The following PPP1R11 variants were observed in gnomAD, a reference collection of about 807,000 sequenced individuals.
PPP1R11 encodes protein phosphatase 1 regulatory inhibitor subunit 11, also known as E3 ubiquitin-protein ligase PPP1R11.
A neutral mutation model predicts 11.3 loss-of-function variants in PPP1R11; 10 were observed. The ratio of observed to expected loss-of-function variants is 0.88; its 90% CI spans 0.55 to 1.50. PPP1R11 has a LOEUF of 1.50. Among genes scored for constraint, PPP1R11 ranks in the 40% most tolerant of loss-of-function variants. The pLI, the probability that PPP1R11 is intolerant of heterozygous loss-of-function variation, is 0.00. For synonymous variants in PPP1R11, 56 were observed against 62.3 expected (o/e 0.90, Z 0.48); for missense variants, 114 against 179.1 (o/e 0.64, Z 2.07).
upstream of PPP1R11, among the ~76,000 whole-genome samples, chr6:30,062,860 C>T (rs1765222942): frequency 6.7e-6 from 1 of 150,372 alleles, no homozygotes; most frequent in African/African-American, 2.4e-5. Flanking sequence ...GCATGAGCCA[C>T]CCCGCCTGAC....
upstream of PPP1R11, among the ~76,000 whole-genome samples, chr6:30,062,794 ACTT>A (rs1456957779): frequency 2.1e-4 from 27 of 129,616 alleles, no homozygotes; most frequent in South Asian, 6.3e-3. Context: ...CTGGTCTTGA[ACTT>A]CTGAGCTCAA....
At chr6:30,061,769 C>A, upstream of PPP1R11, 1 of 1,572,040 alleles carries the variant, frequency 6.4e-7, no homozygotes, top group Non-Finnish European at 8.7e-7. This position sits in a 1 kb window ranked among gnomAD's most constrained non-coding sequence, Gnocchi z 5.0. Flanking sequence ...TAGAGCAGGA[C>A]ATCAGGCGGT....
chr6:30,066,396 A>G (rs1044054886), upstream of PPP1R11, among the ~76,000 whole-genome samples: 5 of 152,186 alleles, frequency 3.3e-5, no homozygotes, highest in Admixed American at 3.3e-4. Context: ...TTGCTCTCTA[A>G]GAAACGTGCA....
upstream of PPP1R11, chr6:30,061,889 C>T: frequency 6.2e-7 from 1 of 1,606,536 alleles, no homozygotes; most frequent in Non-Finnish European, 8.5e-7. This position sits in a 1 kb window ranked among gnomAD's most constrained non-coding sequence, Gnocchi z 5.0. Flanking sequence ...TGGTTGTCTC[C>T]ATAACCAGTT....
At chr6:30,068,262 G>C (rs963778178) in intron 1 of PPP1R11, 1 of 197,582 alleles carries the variant, frequency 5.1e-6, no homozygotes, top group Non-Finnish European at 1.0e-5. Context: ...TAATTTTCAT[G>C]TATTAATACT....
chr6:30,067,208 G>A lies in PPP1R11; in HGVS notation c.-203G>A, dbSNP rs942551453. 11 of 541,776 alleles carry A rather than the reference G, an allele frequency of 2.0e-5. No individual in the cohort carries two copies. Among genetic ancestry groups the A allele is most frequent in the Non-Finnish European group, 3.7e-5 (11 of 300,248 alleles). 33.6% of individuals were successfully genotyped at this position (541,776 alleles called of 1,614,324 possible). ...GGGACTGCAGTATGCGTCACACCCGGAAGCGGCGAGCCGGAAGTGGGGTTA... is the reference window on the plus strand; with the variant it reads ...GGGACTGCAGTATGCGTCACACCCGAAAGCGGCGAGCCGGAAGTGGGGTTA... On this transcript the variant is annotated 5_prime_UTR_variant, in exon 1 of 3. Coordinates refer to ENST00000376772, the MANE Select transcript of PPP1R11 (RefSeq NM_021959.3).
Position 30,067,307 on chromosome 6 carries a change from T to A in PPP1R11, c.-104T>A. 1 of 1,221,866 alleles carries A rather than the reference T, an allele frequency of 8.2e-7. No homozygotes were observed. Among genetic ancestry groups the A allele is most frequent in the Non-Finnish European group, 1.2e-6 (1 of 844,166 alleles). The allele number at this position is 1,221,866 out of a possible 1,614,324, so 75.7% of individuals were successfully genotyped here. ...AATAAAGAAGGTGGAGGATCCTGGC[T>A]ACCACTCTGAATCCGATACCGCTTC... On this transcript the variant is annotated 5_prime_UTR_variant, in exon 1 of 3. Transcript: ENST00000376772.
chr6:30,061,907 G>A (rs1178165503), upstream of PPP1R11: 1 of 1,612,872 alleles, frequency 6.2e-7, no homozygotes, highest in East Asian at 2.2e-5. This position sits in a 1 kb window ranked among gnomAD's most constrained non-coding sequence, Gnocchi z 5.0. Flanking sequence ...GTTCTTACTT[G>A]CCTGTGCAGA....
Position 30,069,591 on chromosome 6 carries a change from G to A in PPP1R11, c.*285G>A, listed in dbSNP as rs1239343197. 1 of 395,252 alleles carries A rather than the reference G, an allele frequency of 2.5e-6. No homozygotes were observed. The highest frequency in any genetic ancestry group is 2.1e-5 in the African/African-American group (1 of 48,682). The allele number at this position is 395,252 out of a possible 1,614,324, so 24.5% of individuals were successfully genotyped here. A position where few individuals can be genotyped will look rare whatever the true frequency, so the allele number is the denominator to read the frequency against. On this transcript the variant is annotated 3_prime_UTR_variant, in exon 3 of 3. Coordinates refer to ENST00000376772, the MANE Select transcript of PPP1R11 (RefSeq NM_021959.3). This position sits in a 1 kb window ranked among gnomAD's most constrained non-coding sequence, Gnocchi z 6.6. Reference sequence around the variant, plus strand: ...TTCTCACTGCCAAACTGCCTGTCCTGGGATCTAGTTATCTTGGCCCTGCAC... The same window carrying A: ...TTCTCACTGCCAAACTGCCTGTCCTAGGATCTAGTTATCTTGGCCCTGCAC...
chr6:30,067,496 G>T lies in PPP1R11; in HGVS notation c.69+17G>T. On this transcript the variant is annotated intron_variant, in intron 1 of 2. Transcript: ENST00000376772. Reference sequence around the variant, plus strand: ...ACCGAGCCCGTGAGAAAGGCGGGGGGGCGGTGCTGTTTAGGGGTCTGGGAG... The same window carrying T: ...ACCGAGCCCGTGAGAAAGGCGGGGGTGCGGTGCTGTTTAGGGGTCTGGGAG... The T allele has an allele frequency of 6.2e-7, 1 of 1,612,240 alleles. No individual in the cohort carries two copies. Among genetic ancestry groups the T allele is most frequent in the Non-Finnish European group, 8.5e-7 (1 of 1,178,244 alleles).
chr6:30,061,355 G>A, the PPP1R11 span: 155 of 693,418 alleles, frequency 2.2e-4, no homozygotes, highest in Non-Finnish European at 3.3e-4. This position sits in a 1 kb window ranked among gnomAD's most constrained non-coding sequence, Gnocchi z 5.0. Context: ...ACGCTGTCTG[G>A]GAATTCCGGG....
At chr6:30,061,758 C>CT (rs1336281049), upstream of PPP1R11, 2 of 1,585,624 alleles carry the variant, frequency 1.3e-6, no homozygotes, top group African/African-American at 2.7e-5. This position sits in a 1 kb window ranked among gnomAD's most constrained non-coding sequence, Gnocchi z 5.0. Flanking sequence ...GGAGGGGATC[C>CT]TAGAGCAGGA....
At chr6:30,065,546 G>A (rs2127298873), upstream of PPP1R11, among the ~76,000 whole-genome samples, 1 of 151,470 alleles carries the variant, frequency 6.6e-6, no homozygotes, top group Non-Finnish European at 1.5e-5. This position sits in a 1 kb window ranked among gnomAD's most constrained non-coding sequence, Gnocchi z 5.3. Context: ...TTAATCAACG[G>A]TTTATGTTAT....
chr6:30,068,619 G>A lies in PPP1R11; in HGVS notation c.99G>A (p.Arg33=). The change falls in exon 2 of 3, where the codon CGG becomes CGA. Residue 33 remains arginine (R), a synonymous_variant. Transcript: ENST00000376772. The part of the protein sequence containing the change: ...PENRSLTIKL[R]KRKPEKKVEW... ...ACCGGAGCCTTACCATCAAACTTCG[G>A]AAACGGAAGCCAGAGAAAAAGGTAG... 1 of 1,612,902 alleles carries A rather than the reference G, an allele frequency of 6.2e-7. No homozygotes were observed. Among genetic ancestry groups the A allele is most frequent in the African/African-American group, 1.3e-5 (1 of 75,008 alleles).
rs1222915603 is a variant in PPP1R11 at position 30,067,375 on chromosome 6, C to T, written c.-36C>T. The stretch of plus-strand genomic sequence containing the variant: ...AGAAAAAGGGAAGGGTGTCTCATCC[C>T]CCTTCCTCCTCTCCTCCCTGTCCTG... On this transcript the variant is annotated 5_prime_UTR_variant, in exon 1 of 3. Transcript: ENST00000376772. 6.3e-7 allele frequency: 1 copy of T among 1,598,642 alleles called. No individual in the cohort carries two copies. The highest frequency in any genetic ancestry group is 8.6e-7 in the Non-Finnish European group (1 of 1,166,464).
At chr6:30,067,554 G>A in intron 1 of PPP1R11, 75 bp downstream of exon 1, 2 of 1,528,644 alleles carry the variant, frequency 1.3e-6, no homozygotes, top group Non-Finnish European at 1.8e-6. Flanking sequence ...GATTAGAAGA[G>A]TTGTTGGAGG....
At chr6:30,067,512 G>T (rs1340352792) in intron 1 of PPP1R11, 33 bp downstream of exon 1, 1 of 1,599,126 alleles carries the variant, frequency 6.3e-7, no homozygotes, top group Non-Finnish European at 8.6e-7. Flanking sequence ...GCTGTTTAGG[G>T]GTCTGGGAGA....
upstream of PPP1R11, among the ~76,000 whole-genome samples, chr6:30,062,714 C>CTTTTTTTTTTTTTTT (rs9278555): frequency 2.6e-4 from 11 of 42,372 alleles, no homozygotes; most frequent in Admixed American, 1.2e-3. Flanking sequence ...CCACGCCTGG[C>CTTTTTTTTTTTTTTT]TTTTTTTTTT....
upstream of PPP1R11, chr6:30,061,769 C>T (rs1765094652): frequency 1.9e-6 from 3 of 1,571,922 alleles, no homozygotes; most frequent in Admixed American, 5.2e-5. This position sits in a 1 kb window ranked among gnomAD's most constrained non-coding sequence, Gnocchi z 5.0. Flanking sequence ...TAGAGCAGGA[C>T]ATCAGGCGGT....
Sources: gnomAD v4.1 joint callset for allele counts (sites outside exome capture counted in the v4.1 genomes callset) on GRCh38, gnomAD v4.1.1 for gene constraint, Gnocchi (gnomAD v3.1) non-coding constraint, MANE v1.5 for transcripts, NCBI Gene and HGNC (gene_info 2026-07-23, HGNC 2026-07-21) for gene names.